The following RAB2A variants were observed in gnomAD, a reference collection of about 807,000 sequenced individuals.
RAB2A encodes RAB2A, member RAS oncogene family.
Under a neutral mutation model 32.5 loss-of-function variants are expected in RAB2A, and 7 were observed. The ratio of observed to expected loss-of-function variants is 0.22; its 90% CI spans 0.12 to 0.40. The LOEUF is 0.40. Among genes scored for constraint, RAB2A ranks in the 10% least tolerant of loss-of-function variants. RAB2A has a pLI of 1.00. For synonymous variants in RAB2A, 79 were observed against 85.2 expected, an observed-to-expected ratio of 0.93 and a Z score of 0.40; for missense variants, 108 against 260.7, an observed-to-expected ratio of 0.41 and a Z score of 4.03.
chr8:60,609,960 CAAA>C (rs5891772), intron 6 of RAB2A, among the ~76,000 whole-genome samples: 7,300 of 80,728 alleles, frequency 0.09, 667 homozygotes, highest in African/African-American at 0.29. Flanking sequence ...CCCTGTGTCT[CAAA>C]AAAAAAAAAA....
intron 3 of RAB2A, among the ~76,000 whole-genome samples, chr8:60,575,341 A>G (rs1808256656): frequency 6.6e-6 from 1 of 151,604 alleles, no homozygotes; most frequent in Non-Finnish European, 1.5e-5. Context: ...ATTTTCATTG[A>G]CTTTCTTCTT....
intron 2 of RAB2A, among the ~76,000 whole-genome samples, chr8:60,560,406 C>T (rs1167823874): frequency 6.6e-6 from 1 of 152,160 alleles, no homozygotes; most frequent in Non-Finnish European, 1.5e-5. Flanking sequence ...GAGCTCTCTT[C>T]GCTGCCCTCT....
chr8:60,579,702 A>T (rs1382498112), intron 3 of RAB2A, among the ~76,000 whole-genome samples: 1 of 151,380 alleles, frequency 6.6e-6, no homozygotes, highest in East Asian at 1.9e-4. Flanking sequence ...GTCTTGGCTC[A>T]CTGCAAGCTC....
intron 6 of RAB2A, among the ~76,000 whole-genome samples, chr8:60,606,727 A>G (rs978688819): frequency 5.9e-5 from 9 of 152,350 alleles, no homozygotes; most frequent in African/African-American, 2.2e-4. Flanking sequence ...GTAAAAGTCG[A>G]CAAATTTTTC....
At chr8:60,600,169 C>T (rs1033778547) in intron 6 of RAB2A, among the ~76,000 whole-genome samples, 2 of 151,732 alleles carry the variant, frequency 1.3e-5, no homozygotes, top group Non-Finnish European at 2.9e-5. Flanking sequence ...TAAAAAAGAT[C>T]TTTGACATCA....
At chr8:60,565,857 C>T (rs945901209) in intron 2 of RAB2A, among the ~76,000 whole-genome samples, 1 of 151,592 alleles carries the variant, frequency 6.6e-6, no homozygotes, top group African/African-American at 2.4e-5. Context: ...ACTACAGGCA[C>T]GTGCCACCAC....
chr8:60,569,404 G>T (rs1808162992), intron 2 of RAB2A, among the ~76,000 whole-genome samples: 1 of 152,128 alleles, frequency 6.6e-6, no homozygotes, highest in African/African-American at 2.4e-5. Flanking sequence ...AAACATTCTT[G>T]ATGTTTACTT....
chr8:60,556,058 C>G (rs945097629), intron 1 of RAB2A, among the ~76,000 whole-genome samples: 1 of 152,112 alleles, frequency 6.6e-6, no homozygotes, highest in Admixed American at 6.5e-5. Context: ...TCATTTGTGG[C>G]AACATGGGTG....
intron 3 of RAB2A, among the ~76,000 whole-genome samples, chr8:60,578,785 A>T (rs1392086879): frequency 6.6e-6 from 1 of 152,238 alleles, no homozygotes; most frequent in Non-Finnish European, 1.5e-5. Context: ...ACTCAGATGC[A>T]TGGGAAAGCC....
At chr8:60,620,493 GT>G (rs1023939406) in intron 7 of RAB2A, among the ~76,000 whole-genome samples, 180 bp from the exon 8 acceptor site, 1 of 152,180 alleles carries the variant, frequency 6.6e-6, no homozygotes, top group African/African-American at 2.4e-5. Context: ...TTTCCACAGT[GT>G]TTTTAAAAGG....
chr8:60,581,075 C>T (rs536880256), intron 3 of RAB2A, among the ~76,000 whole-genome samples: 3 of 152,296 alleles, frequency 2.0e-5, no homozygotes, highest in African/African-American at 7.2e-5. Flanking sequence ...CAGTAGATGC[C>T]TGAAATTGCA....
intron 5 of RAB2A, among the ~76,000 whole-genome samples, chr8:60,591,337 C>G (rs182915784): frequency 2.1e-5 from 3 of 145,500 alleles, no homozygotes; most frequent in African/African-American, 7.5e-5. Flanking sequence ...CTCTCTCTGT[C>G]TATATCAATT....
intron 1 of RAB2A, among the ~76,000 whole-genome samples, chr8:60,535,479 G>A (rs905206422): frequency 3.3e-5 from 5 of 151,974 alleles, no homozygotes; most frequent in African/African-American, 1.2e-4. Context: ...TTTTTCATTT[G>A]AGGGTAAATC....
At chr8:60,608,693 T>G (rs1804285463) in intron 6 of RAB2A, among the ~76,000 whole-genome samples, 1 of 149,446 alleles carries the variant, frequency 6.7e-6, no homozygotes, top group African/African-American at 2.5e-5. Flanking sequence ...AGTCTGTTAC[T>G]TCAGGTACCA....
In RAB2A at chr8:60,557,931, C is replaced by T. The variant is rs143452000; in HGVS notation, c.47-921C>T. ...GTCATTATAATTATTTCAAATTATT[C>T]ATATACAGTATATTATTTCAGTATT... is the stretch of plus-strand genomic sequence containing the variant. On this transcript the variant is annotated intron_variant, in intron 1 of 7. Transcript: ENST00000262646. Among the ~76,000 whole-genome samples the T allele has an allele frequency of 7.5e-3, 1,137 of 152,236 alleles. 11 individuals are homozygous for T. The highest frequency in any genetic ancestry group is 9.6e-3 in the Non-Finnish European group (656 of 68,028).
chr8:60,605,832 CAT>C (rs1328541490), intron 6 of RAB2A, among the ~76,000 whole-genome samples: 1 of 120,798 alleles, frequency 8.3e-6, no homozygotes, highest in African/African-American at 3.8e-5. Context: ...GGGACTAATA[CAT>C]ATATACATAT....
chr8:60,522,508 T>A (rs1807316138), intron 1 of RAB2A, among the ~76,000 whole-genome samples: 1 of 152,200 alleles, frequency 6.6e-6, no homozygotes, highest in South Asian at 2.1e-4. Flanking sequence ...TGTAGGGTCC[T>A]CCTACTTTCT....
chr8:60,619,248 A>C (rs979443162), intron 7 of RAB2A: 10 of 152,156 alleles, frequency 6.6e-5, no homozygotes, highest in African/African-American at 2.4e-4. Context: ...GAAGCATCTA[A>C]TTCAGAGTGT....
intron 6 of RAB2A, among the ~76,000 whole-genome samples, chr8:60,602,950 A>C (rs1389524558): frequency 1.3e-5 from 2 of 152,184 alleles, no homozygotes; most frequent in African/African-American, 4.8e-5. Flanking sequence ...GACAGGATCT[A>C]TCCTCAGCTT....
Sources: allele counts gnomAD v4.1 joint callset (sites outside exome capture counted in the v4.1 genomes callset), GRCh38; gene constraint gnomAD v4.1.1; transcripts MANE v1.5; gene names NCBI Gene and HGNC (gene_info 2026-07-23, HGNC 2026-07-21).